Variants in WDPCP observed in about 807,000 individuals in gnomAD.
WDPCP encodes WD repeat containing planar cell polarity effector.
Under a neutral mutation model 93.1 loss-of-function variants are expected in WDPCP, and 71 were observed. That is an observed-to-expected ratio of 0.76 (90% confidence interval 0.63 to 0.93). The LOEUF is 0.93. WDPCP is among the 40% of genes least tolerant of loss of function. The pLI, the probability that WDPCP is intolerant of heterozygous loss-of-function variation, is 0.00. For synonymous variants in WDPCP, 315 were observed against 315.0 expected (o/e 1.00, Z 0.00); for missense variants, 844 against 887.4 (o/e 0.95, Z 0.62).
intron 14 of WDPCP, among the ~76,000 whole-genome samples, chr2:63,197,192 C>T (rs1221618402): frequency 2.0e-5 from 3 of 151,976 alleles, no homozygotes; most frequent in South Asian, 2.1e-4. Context: ...AAAGACAACA[C>T]GGATGAAGAC....
chr2:63,212,564 G>A (rs903943931), intron 14 of WDPCP, among the ~76,000 whole-genome samples: 2 of 152,058 alleles, frequency 1.3e-5, no homozygotes, highest in East Asian at 1.9e-4. Flanking sequence ...ATCAACTAAC[G>A]AGCAAAATAA....
intron 15 of WDPCP, among the ~76,000 whole-genome samples, chr2:63,172,140 A>C (rs550002740): frequency 7.5e-4 from 114 of 152,336 alleles, no homozygotes; most frequent in African/African-American, 2.6e-3. Context: ...TAAATTTACC[A>C]AATATCACTG....
chr2:63,313,285 A>G lies in WDPCP; in HGVS notation c.1775T>C (p.Leu592Pro). The G allele has an allele frequency of 6.2e-7, 1 of 1,613,816 alleles. No homozygotes were observed. Among genetic ancestry groups the G allele is most frequent in the Non-Finnish European group, 8.5e-7 (1 of 1,179,774 alleles). Residue 592 changes from leucine to proline, a missense_variant, in exon 13 of 18, where the codon CTC becomes CCC. By Grantham distance (98) the Leu-to-Pro change is moderately conservative. Transcript: ENST00000272321. Reference sequence around the variant, plus strand: ...ACGAGCACCAACGTCAACAGCTAGGAGAAATGCCTTTTCAAACCTCTGGTA... The same window carrying G: ...ACGAGCACCAACGTCAACAGCTAGGGGAAATGCCTTTTCAAACCTCTGGTA... ...LRYQRFEKAFLLAVDVGARDL... is the reference protein window; with the variant it reads ...LRYQRFEKAFPLAVDVGARDL...
At chr2:63,575,056 A>T (rs888567587) in intron 1 of WDPCP, among the ~76,000 whole-genome samples, 4 of 151,902 alleles carry the variant, frequency 2.6e-5, no homozygotes, top group Admixed American at 2.6e-4. Context: ...TGCTTGGTAG[A>T]GGGTTAAAAT....
chr2:63,134,975 T>C (rs559495572), intron 17 of WDPCP, among the ~76,000 whole-genome samples: 114 of 152,040 alleles, frequency 7.5e-4, no homozygotes, highest in African/African-American at 2.7e-3. Flanking sequence ...ATACAAAAAT[T>C]AGCCAGGTGT....
chr2:63,126,018 T>G (rs571082968), intron 17 of WDPCP, among the ~76,000 whole-genome samples: 1 of 151,824 alleles, frequency 6.6e-6, no homozygotes, highest in African/African-American at 2.4e-5. Flanking sequence ...CAATGCAGCC[T>G]TGACCTCCGA....
chr2:63,768,124 C>G (rs569641206), intron 2 of WDPCP, among the ~76,000 whole-genome samples: 3 of 152,054 alleles, frequency 2.0e-5, no homozygotes, highest in Non-Finnish European at 4.4e-5. Context: ...GACCAAAGTT[C>G]ATTTATTTGC....
At chr2:63,246,338 C>T (rs1376072144) in intron 14 of WDPCP, among the ~76,000 whole-genome samples, 3 of 152,134 alleles carry the variant, frequency 2.0e-5, no homozygotes, top group Admixed American at 6.6e-5. Context: ...TGCAGGGAAG[C>T]TGGCCTGGGT....
At chr2:63,234,536 AG>A (rs1679212749) in intron 14 of WDPCP, among the ~76,000 whole-genome samples, 1 of 152,220 alleles carries the variant, frequency 6.6e-6, no homozygotes, top group African/African-American at 2.4e-5. Context: ...GGCAGTTGAG[AG>A]GATAAATAAC....
At chr2:63,703,153 G>T (rs530916198) in intron 2 of WDPCP, among the ~76,000 whole-genome samples, 56 of 152,234 alleles carry the variant, frequency 3.7e-4, no homozygotes, top group African/African-American at 1.2e-3. Context: ...CCAAGTCTTT[G>T]CTATTGTGAA....
chr2:63,437,505 T>C lies in WDPCP; in HGVS notation c.549A>G (p.Lys183=). Residue 183 remains lysine (K), a synonymous_variant, in exon 8 of 18, where the codon AAA becomes AAG. Transcript: ENST00000272321. The part of the protein sequence containing the change: ...FIILSFLAQN[K]LCFIQFTKKM... ...TCTTGGTAAACTGAATAAAACATAG[T>C]TTGTTTTGTGCCAAAAATGATAAGA... 6.3e-7 allele frequency: 1 copy of C among 1,599,948 alleles called. No individual in the cohort carries two copies. Among genetic ancestry groups the C allele is most frequent in the Non-Finnish European group, 8.5e-7 (1 of 1,174,152 alleles).
rs548482112 is a variant in WDPCP, at chr2:63,301,569, G to A, written c.1812+11679C>T. ...TCACACAAATCTAGGAAGTCAAAGG[G>A]AAATCACAGGCAGAGAACTAGAGCC... is the stretch of plus-strand genomic sequence containing the variant. On this transcript the variant is annotated intron_variant, in intron 13 of 17. Coordinates refer to ENST00000272321, the MANE Select transcript of WDPCP (RefSeq NM_015910.7). 7.9e-5 allele frequency among the ~76,000 whole-genome samples: 12 copies of A among 152,282 alleles called. No individual in the cohort carries two copies. In the South Asian group the frequency reaches 1.9e-3, roughly 24 times the overall value.
intron 3 of WDPCP, chr2:63,599,648 A>C (rs1418549493): frequency 6.4e-6 from 1 of 155,552 alleles, no homozygotes; most frequent in Non-Finnish European, 1.4e-5. Flanking sequence ...AATCTCATAT[A>C]AACAAAGACT....
chr2:63,288,069 T>C (rs1261079394), intron 13 of WDPCP, among the ~76,000 whole-genome samples: 1 of 152,184 alleles, frequency 6.6e-6, no homozygotes, highest in Non-Finnish European at 1.5e-5. Flanking sequence ...ATCATGCCAA[T>C]GAAAGACAAA....
chr2:63,579,639 C>A (rs1182752043), intron 1 of WDPCP, among the ~76,000 whole-genome samples: 1 of 151,894 alleles, frequency 6.6e-6, no homozygotes, highest in African/African-American at 2.4e-5. Context: ...AAGAAAAAAT[C>A]ATCAACAATC....
At chr2:63,141,778 T>C (rs1185203379) in intron 17 of WDPCP, among the ~76,000 whole-genome samples, 7 of 152,308 alleles carry the variant, frequency 4.6e-5, no homozygotes, top group Non-Finnish European at 1.0e-4. Flanking sequence ...TTGTTGTTGT[T>C]GGTAATTTTA....
intron 15 of WDPCP, among the ~76,000 whole-genome samples, chr2:63,170,001 T>C (rs1673265794): frequency 6.6e-6 from 1 of 151,274 alleles, no homozygotes; most frequent in African/African-American, 2.4e-5. Context: ...CAAGCGATCC[T>C]CCTACCTCAG....
chr2:63,689,625 A>C (rs1668862973), intron 2 of WDPCP, among the ~76,000 whole-genome samples: 1 of 152,180 alleles, frequency 6.6e-6, no homozygotes, highest in Non-Finnish European at 1.5e-5. Flanking sequence ...TTGGGGGTTA[A>C]CCTTATTCAG....
chr2:63,622,872 G>A (rs1709762214), intron 3 of WDPCP: 7 of 1,541,594 alleles, frequency 4.5e-6, no homozygotes, highest in Non-Finnish European at 6.2e-6. Flanking sequence ...GCAGCATCAG[G>A]GGTGCGGAGC....
Sources: allele counts gnomAD v4.1 joint callset (sites outside exome capture counted in the v4.1 genomes callset), GRCh38; gene constraint gnomAD v4.1.1; transcripts MANE v1.5; gene names NCBI Gene and HGNC (gene_info 2026-07-23, HGNC 2026-07-21).